The following TSHZ3 variants were observed in gnomAD, a reference collection of about 807,000 sequenced individuals.
TSHZ3 encodes the protein teashirt zinc finger homeobox 3.
Under a neutral mutation model 64.5 loss-of-function variants are expected in TSHZ3, and 10 were observed. That is an observed-to-expected ratio of 0.16 (90% CI 0.10 to 0.26). The LOEUF is 0.26. TSHZ3 is among the 10% of genes least tolerant of loss of function. The pLI is 1.00. For synonymous variants in TSHZ3, 608 were observed against 593.1 expected (o/e 1.03, Z -0.36); for missense variants, 1,242 against 1,421.7 (o/e 0.87, Z 2.03).
chr19:31,226,404 A>G (rs1209750188), intron 4 of TSHZ3, among the ~76,000 whole-genome samples: 1 of 152,146 alleles, frequency 6.6e-6, no homozygotes, highest in African/African-American at 2.4e-5. Flanking sequence ...TGATTGTTTC[A>G]TAAGGGGTTT....
chr19:31,217,928 C>T (rs1380473880), intron 4 of TSHZ3, among the ~76,000 whole-genome samples: 1 of 152,124 alleles, frequency 6.6e-6, no homozygotes, highest in Non-Finnish European at 1.5e-5. Context: ...GCATGTAAAA[C>T]ACAAAACAAT....
At chr19:31,274,447 C>A (rs950300303), downstream of TSHZ3, among the ~76,000 whole-genome samples, 1 of 152,042 alleles carries the variant, frequency 6.6e-6, no homozygotes, top group Admixed American at 6.6e-5. Context: ...ACCTTGGGAC[C>A]CCAAAGTCTG....
rs956232151 is a variant in TSHZ3 at position 31,177,863 on chromosome 19, G to A, written n.810-21446C>T. Among the ~76,000 whole-genome samples, 3 of 152,128 alleles carry A rather than the reference G, an allele frequency of 2.0e-5. 1 individual carries two copies. Among genetic ancestry groups the A allele is most frequent in the East Asian group, 1.9e-4 (1 of 5,182 alleles). On this transcript the variant is annotated intron_variant and non_coding_transcript_variant, in intron 5 of 6. Transcript: ENST00000651361. ...ATAGCACTGCGCAGAGAGGGGAGGC[G>A]GGGACAGAGCAGTGACATGAACCTG...
intron 1 of TSHZ3, among the ~76,000 whole-genome samples, chr19:31,323,532 T>C (rs2145170534): frequency 6.6e-6 from 1 of 152,310 alleles, no homozygotes; most frequent in African/African-American, 2.4e-5. Context: ...TGTTGTGGGT[T>C]TTGTTGTTCA....
At chr19:31,245,943 G>A (rs1011316548) in intron 1 of TSHZ3, among the ~76,000 whole-genome samples, 4 of 152,190 alleles carry the variant, frequency 2.6e-5, no homozygotes, top group Admixed American at 6.5e-5. Context: ...CTCTAGGGAT[G>A]TATTTGCTGA....
intron 5 of TSHZ3, among the ~76,000 whole-genome samples, chr19:31,181,180 A>C (rs8107964): frequency 0.72 from 109,792 of 151,844 alleles, 40,352 homozygotes; most frequent in African/African-American, 0.87. Context: ...AACAGCACCA[A>C]CTTCCCTCAT....
At chr19:31,196,285 C>A (rs894462087) in intron 5 of TSHZ3, among the ~76,000 whole-genome samples, 8 of 151,686 alleles carry the variant, frequency 5.3e-5, no homozygotes, top group Non-Finnish European at 1.2e-4. Context: ...ATTGCAAACT[C>A]TATGGCAAAA....
At chr19:31,151,042 T>C (rs1346809991) in exon 7 of TSHZ3, among the ~76,000 whole-genome samples, 1 of 152,198 alleles carries the variant, frequency 6.6e-6, no homozygotes. Flanking sequence ...GAGTTAATAG[T>C]TATTCTTCAG....
intron 1 of TSHZ3, among the ~76,000 whole-genome samples, chr19:31,249,590 T>C (rs1975807861): frequency 6.6e-6 from 1 of 152,112 alleles, no homozygotes. Context: ...CAAAGTAAAA[T>C]TGAATTCCTC....
chr19:31,282,237 G>A (rs1421637590), intron 1 of TSHZ3, among the ~76,000 whole-genome samples: 3 of 152,100 alleles, frequency 2.0e-5, no homozygotes, highest in Admixed American at 1.3e-4. Flanking sequence ...AAATGCCCAG[G>A]CCTGTGTAGA....
In TSHZ3 at chr19:31,181,672, G is replaced by C. The variant is rs1974717320; in HGVS notation, n.809+23284C>G. Among the ~76,000 whole-genome samples the C allele has an allele frequency of 2.0e-5, 3 of 152,326 alleles. No individual in the cohort carries two copies. In the South Asian group the frequency reaches 6.2e-4, roughly 32 times the overall value. On this transcript the variant is annotated intron_variant and non_coding_transcript_variant, in intron 5 of 6. Transcript: ENST00000651361. Reference sequence around the variant, plus strand: ...TTTGTGTTTTGTTGGTGTGCCCACAGGCTGACAGAAGAAATGCAACAAGGA... The same window carrying C: ...TTTGTGTTTTGTTGGTGTGCCCACACGCTGACAGAAGAAATGCAACAAGGA...
In TSHZ3 at chr19:31,296,859, C is replaced by T. The variant is rs149752185; in HGVS notation, c.41-17107G>A. 8.4e-3 allele frequency among the ~76,000 whole-genome samples: 1,285 copies of T among 152,256 alleles called. 4 individuals carry two copies. The highest frequency in any genetic ancestry group is 0.012 in the Non-Finnish European group (846 of 68,020). The stretch of plus-strand genomic sequence containing the variant: ...CCTCAGGTGCCAGCTCCACAGAATG[C>T]CAAAGGGCCTGGGACAGCTCTCCAG... On this transcript the variant is annotated intron_variant, in intron 1 of 1. Coordinates refer to ENST00000240587, the MANE Select transcript of TSHZ3 (RefSeq NM_020856.4).
intron 1 of TSHZ3, among the ~76,000 whole-genome samples, chr19:31,267,417 G>A (rs1459630652): frequency 6.6e-6 from 1 of 152,066 alleles, no homozygotes; most frequent in Non-Finnish European, 1.5e-5. Context: ...TGCAGGCCCT[G>A]CCCTCACTCA....
At chr19:31,289,741 A>G (rs4805669) in intron 1 of TSHZ3, among the ~76,000 whole-genome samples, 17,791 of 152,012 alleles carry the variant, frequency 0.12, 1,344 homozygotes, top group East Asian at 0.35. Context: ...CTGTCCCTGT[A>G]GCCCCTAGCC....
intron 1 of TSHZ3, among the ~76,000 whole-genome samples, chr19:31,265,194 C>T (rs1283472980): frequency 6.6e-6 from 1 of 151,488 alleles, no homozygotes; most frequent in Non-Finnish European, 1.5e-5. Flanking sequence ...GTCAGGAGTT[C>T]GAGATCAGCC....
chr19:31,317,758 C>T (rs545346218), intron 1 of TSHZ3, among the ~76,000 whole-genome samples: 3 of 152,300 alleles, frequency 2.0e-5, no homozygotes, highest in Non-Finnish European at 2.9e-5. Context: ...ACTTTCCTTC[C>T]GGAAATCTGA....
At chr19:31,193,582 C>A (rs1185533155) in intron 5 of TSHZ3, among the ~76,000 whole-genome samples, 1 of 152,164 alleles carries the variant, frequency 6.6e-6, no homozygotes, top group East Asian at 1.9e-4. Context: ...GTTGTGTGAG[C>A]CTGAGCAAGC....
chr19:31,326,365 T>C (rs554492828), intron 1 of TSHZ3, among the ~76,000 whole-genome samples: 8 of 152,354 alleles, frequency 5.3e-5, no homozygotes, highest in African/African-American at 1.7e-4. Context: ...ATGGACATCA[T>C]TTTGTTTAAT....
chr19:31,194,242 C>A (rs1440532158), intron 5 of TSHZ3, among the ~76,000 whole-genome samples: 15 of 152,126 alleles, frequency 9.9e-5, no homozygotes. Context: ...GTGAGTTTTA[C>A]CCCCTGGAGC....
Sources: gnomAD v4.1 joint callset for allele counts (sites outside exome capture counted in the v4.1 genomes callset) on GRCh38, gnomAD v4.1.1 for gene constraint, MANE v1.5 for transcripts, NCBI Gene and HGNC (gene_info 2026-07-23, HGNC 2026-07-21) for gene names.